Variants in GAB2 observed in about 807,000 individuals in gnomAD.
The protein encoded by GAB2 is GRB2 associated binding protein 2.
A neutral mutation model predicts 65.5 loss-of-function variants in GAB2; 26 were observed. That is an observed-to-expected ratio of 0.40 (90% CI 0.29 to 0.55). The LOEUF is 0.55. Ranked by LOEUF, GAB2 falls within the 20% of genes least tolerant of loss-of-function variation. The pLI is 0.53. For missense variants in GAB2, 884 were observed against 875.8 expected (o/e 1.01, Z -0.12); for synonymous variants, 321 against 329.6 (o/e 0.97, Z 0.28).
At chr11:78,298,286 A>G (rs1866896490) in intron 1 of GAB2, among the ~76,000 whole-genome samples, 2 of 152,198 alleles carry the variant, frequency 1.3e-5, no homozygotes, top group Admixed American at 1.3e-4. Flanking sequence ...GAGATACCGG[A>G]GAAGGAAGAA....
At chr11:78,314,805 A>G (rs1277749901) in intron 1 of GAB2, among the ~76,000 whole-genome samples, 2 of 152,214 alleles carry the variant, frequency 1.3e-5, no homozygotes, top group African/African-American at 4.8e-5. Flanking sequence ...TGACACATTT[A>G]CAGAACAGCC....
chr11:78,265,213 T>TATATATAC (rs1428835802), intron 2 of GAB2, among the ~76,000 whole-genome samples: 1 of 149,700 alleles, frequency 6.7e-6, no homozygotes, highest in Non-Finnish European at 1.5e-5. Context: ...CATATATATA[T>TATATATAC]ATATATATAT....
At chr11:78,295,206 G>C (rs142856262) in intron 1 of GAB2, among the ~76,000 whole-genome samples, 5 of 152,284 alleles carry the variant, frequency 3.3e-5, no homozygotes, top group Non-Finnish European at 7.4e-5. Flanking sequence ...ACACCAGTTA[G>C]AATGGCGAAA....
chr11:78,386,707 G>A (rs1856772530), intron 1 of GAB2, among the ~76,000 whole-genome samples: 1 of 152,190 alleles, frequency 6.6e-6, no homozygotes, highest in Non-Finnish European at 1.5e-5. Context: ...TTGGTGCACA[G>A]CTAATACCAG....
intron 1 of GAB2, among the ~76,000 whole-genome samples, chr11:78,368,485 C>G (rs1434109172): frequency 3.9e-5 from 6 of 152,086 alleles, no homozygotes; most frequent in Non-Finnish European, 2.9e-5. Context: ...GTACTGATGG[C>G]TGAAAAGCAA....
intron 1 of GAB2, among the ~76,000 whole-genome samples, chr11:78,328,390 G>A (rs1448425802): frequency 6.6e-6 from 1 of 152,180 alleles, no homozygotes; most frequent in African/African-American, 2.4e-5. Context: ...GGAAAGCTGG[G>A]TGTGGGGTAT....
intron 1 of GAB2, among the ~76,000 whole-genome samples, chr11:78,414,658 C>T (rs1857171426): frequency 6.6e-6 from 1 of 152,104 alleles, no homozygotes; most frequent in African/African-American, 2.4e-5. Flanking sequence ...TATCAGGATG[C>T]CCCAGAGGCA....
At chr11:78,331,023 A>C (rs1047292018) in intron 1 of GAB2, among the ~76,000 whole-genome samples, 1 of 151,938 alleles carries the variant, frequency 6.6e-6, no homozygotes, top group African/African-American at 2.4e-5. Context: ...AAAAATACAA[A>C]AATTACCAGG....
At chr11:78,284,549 G>C (rs973838040) in intron 1 of GAB2, among the ~76,000 whole-genome samples, 3 of 152,150 alleles carry the variant, frequency 2.0e-5, no homozygotes, top group African/African-American at 7.2e-5. Context: ...GCGTGCTCCT[G>C]CCTCACGGTC....
At chr11:78,380,324 C>G (rs776375740) in intron 1 of GAB2, among the ~76,000 whole-genome samples, 14 of 152,134 alleles carry the variant, frequency 9.2e-5, no homozygotes, top group Non-Finnish European at 1.8e-4. Flanking sequence ...TCTGCCTCAG[C>G]CTCCCAAGTA....
Position 78,221,710 on chromosome 11 carries a change from G to A in GAB2, c.1728C>T (p.Asp576=), listed in dbSNP as rs114514318. 107 of 1,613,416 alleles carry A rather than the reference G, an allele frequency of 6.6e-5. No homozygotes were observed. The highest frequency in any genetic ancestry group is 8.4e-5 in the Non-Finnish European group (99 of 1,179,532). The change falls in exon 8 of 10, where the codon GAC becomes GAT. Residue 576 remains aspartate (D), a synonymous_variant. Transcript: ENST00000361507. ...PISTQSITST[D]SGDSEENYVP... ...CATAGTTCTCTTCGCTGTCTCCTGA[G>A]TCTGTGCTGGTGATGCTCTGGGTGG... is the stretch of plus-strand genomic sequence containing the variant.
At chr11:78,357,739 A>G (rs1465026457) in intron 1 of GAB2, among the ~76,000 whole-genome samples, 5 of 152,234 alleles carry the variant, frequency 3.3e-5, no homozygotes, top group Non-Finnish European at 7.3e-5. Context: ...TCAAAACCAC[A>G]ATGAGATACC....
intron 1 of GAB2, among the ~76,000 whole-genome samples, chr11:78,401,348 A>C (rs981281515): frequency 6.6e-6 from 1 of 152,142 alleles, no homozygotes; most frequent in Non-Finnish European, 1.5e-5. Context: ...TGTCTCTCTG[A>C]ATTTGACTAC....
intron 1 of GAB2, among the ~76,000 whole-genome samples, chr11:78,345,276 T>C (rs865840094): frequency 4.6e-5 from 7 of 152,256 alleles, no homozygotes; most frequent in Non-Finnish European, 8.8e-5. Flanking sequence ...TGAAATCCTG[T>C]CTCAAAAACA....
intron 4 of GAB2, among the ~76,000 whole-genome samples, chr11:78,225,630 A>G (rs972452036): frequency 2.0e-5 from 3 of 152,256 alleles, no homozygotes; most frequent in African/African-American, 7.2e-5. Context: ...TCTCAGTTCC[A>G]AAACGGAGTA....
intron 1 of GAB2, among the ~76,000 whole-genome samples, chr11:78,397,345 A>T (rs769165108): frequency 5.3e-4 from 80 of 152,368 alleles, no homozygotes; most frequent in Non-Finnish European, 1.0e-3. Flanking sequence ...TGCTTTAGGT[A>T]CCAAGGCTAC....
At position 78,226,620 on chromosome 11, in the gene GAB2, G is replaced by GGGGGGCCGC; in HGVS notation, c.1051_1052insGCGGCCCCC (p.Ala350_Pro351insArgGlyPro). ...ACTTGGCTTGGGGGGGCGGGGTGGGGGAGCTATGGCTGAGTCCCCAGGAGT... is the reference window on the plus strand; with the variant it reads ...ACTTGGCTTGGGGGGGCGGGGTGGGGGGGGGCCGCGAGCTATGGCTGAGTCCCCAGGAGT... On this transcript the variant is annotated inframe_insertion, in exon 4 of 10. Coordinates refer to ENST00000361507, the MANE Select transcript of GAB2 (RefSeq NM_080491.3). The GGGGGGCCGC allele has an allele frequency of 6.7e-7, 1 of 1,500,582 alleles. No homozygotes were observed. The highest frequency in any genetic ancestry group is 9.3e-7 in the Non-Finnish European group (1 of 1,079,042). The allele number at this position is 1,500,582 out of a possible 1,614,324, so 93.0% of individuals were successfully genotyped here.
chr11:78,394,948 G>A (rs1329309217), intron 1 of GAB2, among the ~76,000 whole-genome samples: 2 of 152,164 alleles, frequency 1.3e-5, no homozygotes, highest in Non-Finnish European at 2.9e-5. Context: ...TGCTAGACAG[G>A]CAACCTGTAA....
chr11:78,400,226 C>G (rs1856951784), intron 1 of GAB2, among the ~76,000 whole-genome samples: 1 of 152,170 alleles, frequency 6.6e-6, no homozygotes, highest in Non-Finnish European at 1.5e-5. Context: ...ACACCATATT[C>G]CTTCCTAGGC....
Sources: allele counts gnomAD v4.1 joint callset (sites outside exome capture counted in the v4.1 genomes callset), GRCh38; gene constraint gnomAD v4.1.1; transcripts MANE v1.5; gene names NCBI Gene and HGNC (gene_info 2026-07-23, HGNC 2026-07-21).